Variants in CYP2J2 observed in about 807,000 individuals in gnomAD.
The protein encoded by CYP2J2 is cytochrome P450 2J2.
Under a neutral mutation model 48.8 loss-of-function variants are expected in CYP2J2, and 41 were observed. That is an observed-to-expected ratio of 0.84 (90% CI 0.66 to 1.09). The LOEUF (loss-of-function observed/expected upper bound fraction) is 1.09. Among genes scored for constraint, CYP2J2 ranks in the 50% least tolerant of loss-of-function variants. CYP2J2 has a pLI of 0.00. For synonymous variants in CYP2J2, 221 were observed against 227.1 expected, an observed-to-expected ratio of 0.97 and a Z score of 0.24; for missense variants, 644 against 617.3, an observed-to-expected ratio of 1.04 and a Z score of -0.46.
At chr1:59,938,907 T>A in the CYP2J2 span, among the ~76,000 whole-genome samples, 4 of 152,232 alleles carry the variant, frequency 2.6e-5, no homozygotes, top group African/African-American at 9.6e-5. Flanking sequence ...TGGCGATGAC[T>A]TTTACCAAGC....
the CYP2J2 span, among the ~76,000 whole-genome samples, chr1:59,958,191 A>G: frequency 1.2e-3 from 186 of 152,320 alleles, 1 homozygote; most frequent in South Asian, 1.5e-3. Context: ...CACTGTCCCC[A>G]GAAGCCCTGC....
chr1:59,901,225 A>G (rs1230514916), intron 7 of CYP2J2, 122 bp from the exon 8 acceptor site: 10 of 949,922 alleles, frequency 1.1e-5, no homozygotes, highest in Admixed American at 2.2e-5. Context: ...ACCCTCCCCA[A>G]TTGTGGTACA....
At chr1:59,964,864 T>C in the CYP2J2 span, among the ~76,000 whole-genome samples, 3 of 152,204 alleles carry the variant, frequency 2.0e-5, no homozygotes, top group African/African-American at 7.2e-5. Flanking sequence ...AGAATATCTC[T>C]TCACACTATG....
intron 8 of CYP2J2, among the ~76,000 whole-genome samples, chr1:59,894,839 A>G (rs1329774186): frequency 1.3e-5 from 2 of 152,222 alleles, no homozygotes; most frequent in Admixed American, 1.3e-4. Flanking sequence ...ATACAATTTA[A>G]AAGATGACCT....
the CYP2J2 span, among the ~76,000 whole-genome samples, chr1:59,968,369 C>T: frequency 1.3e-5 from 2 of 152,096 alleles, no homozygotes; most frequent in African/African-American, 2.4e-5. Flanking sequence ...CTTGCCTCCC[C>T]AACAGCCCAC....
At chr1:59,903,154 C>G (rs1447510759) in intron 7 of CYP2J2, among the ~76,000 whole-genome samples, 1 of 152,216 alleles carries the variant, frequency 6.6e-6, no homozygotes, top group Non-Finnish European at 1.5e-5. Flanking sequence ...AGCTGCTTTT[C>G]CTGGCTCTGC....
the CYP2J2 span, among the ~76,000 whole-genome samples, chr1:59,968,863 G>A: frequency 4.5e-4 from 68 of 152,290 alleles, no homozygotes; most frequent in East Asian, 2.3e-3. Flanking sequence ...GCGGACCCTC[G>A]CGGTGAGTGT....
intron 7 of CYP2J2, among the ~76,000 whole-genome samples, chr1:59,903,929 T>A (rs1644342885): frequency 6.6e-6 from 1 of 152,194 alleles, no homozygotes; most frequent in Non-Finnish European, 1.5e-5. Context: ...TTCTTCTGAG[T>A]AAACTTACTC....
chr1:59,946,798 C>T, the CYP2J2 span, among the ~76,000 whole-genome samples: 1 of 151,958 alleles, frequency 6.6e-6, no homozygotes, highest in South Asian at 2.1e-4. Context: ...TACAATAGCA[C>T]CAATACAATT....
At chr1:59,916,250 A>C in intron 1 of CYP2J2, 150 bp from the exon 2 acceptor site, 1 of 563,736 alleles carries the variant, frequency 1.8e-6, no homozygotes, top group Non-Finnish European at 3.0e-6. Flanking sequence ...TGTGTGAGTG[A>C]GTGTACATTG....
chr1:59,949,834 T>C, the CYP2J2 span, among the ~76,000 whole-genome samples: 5 of 151,940 alleles, frequency 3.3e-5, no homozygotes, highest in Non-Finnish European at 7.4e-5. Flanking sequence ...TCCAGTCACC[T>C]GGAGTATTCT....
chr1:59,919,544 G>A (rs1263530294), intron 1 of CYP2J2, among the ~76,000 whole-genome samples: 3 of 151,962 alleles, frequency 2.0e-5, no homozygotes, highest in African/African-American at 7.3e-5. Flanking sequence ...TGTATGTATT[G>A]TTGCCTTTAC....
the CYP2J2 span, among the ~76,000 whole-genome samples, chr1:59,946,776 AACTT>A: frequency 6.6e-6 from 1 of 152,210 alleles, no homozygotes; most frequent in Non-Finnish European, 1.5e-5. Flanking sequence ...ATAACAAAAT[AACTT>A]TTATATTTAC....
the CYP2J2 span, among the ~76,000 whole-genome samples, chr1:59,951,133 A>G: frequency 3.3e-5 from 5 of 152,364 alleles, no homozygotes; most frequent in Non-Finnish European, 7.3e-5. Flanking sequence ...AAGGAAACTG[A>G]CATAGAAATG....
chr1:59,923,461 A>C (rs1389305870), intron 1 of CYP2J2, among the ~76,000 whole-genome samples: 2 of 152,244 alleles, frequency 1.3e-5, no homozygotes, highest in Non-Finnish European at 2.9e-5. Context: ...CAATTGAGTG[A>C]GTTGACACCA....
At chr1:59,932,430 G>A in the CYP2J2 span, among the ~76,000 whole-genome samples, 1 of 152,040 alleles carries the variant, frequency 6.6e-6, no homozygotes, top group Non-Finnish European at 1.5e-5. Context: ...ATCTAATAAT[G>A]TTCAAATTGC....
intron 8 of CYP2J2, among the ~76,000 whole-genome samples, chr1:59,900,561 G>A (rs1179388515): frequency 3.3e-5 from 5 of 152,228 alleles, no homozygotes; most frequent in Non-Finnish European, 2.9e-5. Flanking sequence ...TTGAACCTGG[G>A]AGGTGGAGGT....
chr1:59,939,029 G>A, the CYP2J2 span, among the ~76,000 whole-genome samples: 2 of 152,248 alleles, frequency 1.3e-5, no homozygotes, highest in African/African-American at 4.8e-5. Context: ...GGGGCAAAGA[G>A]ATTGGAGCAA....
chr1:59,908,047 A>G (rs752477172), intron 5 of CYP2J2, 120 bp from the exon 6 acceptor site: 83 of 983,478 alleles, frequency 8.4e-5, no homozygotes, highest in Non-Finnish European at 1.3e-4. Flanking sequence ...AAAAGAAACA[A>G]TTTTCCCTTT....
Sources: allele counts gnomAD v4.1 joint callset (sites outside exome capture counted in the v4.1 genomes callset), GRCh38; gene constraint gnomAD v4.1.1; transcripts MANE v1.5; gene names NCBI Gene and HGNC (gene_info 2026-07-23, HGNC 2026-07-21).